The following VPS53 variants were observed in gnomAD, a reference collection of about 807,000 sequenced individuals.
The protein encoded by VPS53 is vacuolar protein sorting-associated protein 53 homolog.
In VPS53, 70 loss-of-function variants were observed where a neutral mutation model predicts 107.0. That is an observed-to-expected ratio of 0.65 (90% CI 0.54 to 0.80). VPS53 has a LOEUF of 0.80. VPS53 is among the 30% of genes least tolerant of loss of function. The pLI is 0.00. For missense variants in VPS53, 917 were observed against 1,049.4 expected (o/e 0.87, Z 1.74); for synonymous variants, 409 against 393.3 (o/e 1.04, Z -0.47).
intron 15 of VPS53, among the ~76,000 whole-genome samples, chr17:555,418 C>CA (rs900648472): frequency 1.3e-5 from 2 of 152,112 alleles, no homozygotes; most frequent in African/African-American, 4.8e-5. Context: ...ATGCTGGTCT[C>CA]AAACTCCTGA....
intron 5 of VPS53, chr17:656,853 G>A (rs944991636): frequency 3.9e-5 from 62 of 1,590,960 alleles, no homozygotes; most frequent in African/African-American, 1.8e-4. Flanking sequence ...ATGGTGAGGC[G>A]GATACCCTTT....
At chr17:586,681 G>A (rs1278684816) in intron 12 of VPS53, among the ~76,000 whole-genome samples, 2 of 152,318 alleles carry the variant, frequency 1.3e-5, no homozygotes, top group Middle Eastern at 3.4e-3. Flanking sequence ...ATAGCACCTT[G>A]TATTTACACA....
chr17:658,818 T>G (rs1234035722), intron 5 of VPS53, among the ~76,000 whole-genome samples: 1 of 152,060 alleles, frequency 6.6e-6, no homozygotes, highest in East Asian at 1.9e-4. Flanking sequence ...TACATCCCAC[T>G]GAAGTGAGAC....
At position 562,715 on chromosome 17, in the gene VPS53, C is replaced by T. The variant is rs1337769894; in HGVS notation, c.1344G>A (p.Val448=). 2.5e-6 allele frequency: 4 copies of T among 1,612,608 alleles called. No individual in the cohort carries two copies. In the African/African-American group the frequency reaches 4.0e-5, roughly 16 times the overall value. Residue 448 remains valine, a synonymous_variant, in exon 14 of 22, where the codon GTG becomes GTA. Transcript: ENST00000437048. ...KNLGELIDRF[V]ADFKAQGPPK... ...GTGGCCCCTGGGCTTTGAAATCAGCCACAAACCGATCTATCAGCTCTCCGA... is the reference window on the plus strand; with the variant it reads ...GTGGCCCCTGGGCTTTGAAATCAGCTACAAACCGATCTATCAGCTCTCCGA...
chr17:536,839 G>A, intron 18 of VPS53, 189 bp downstream of exon 18: 1 of 658,424 alleles, frequency 1.5e-6, no homozygotes, highest in Non-Finnish European at 2.5e-6. Context: ...TTCATCCACT[G>A]TAACGAATGT....
At chr17:572,352 G>A (rs1278277586) in intron 13 of VPS53, among the ~76,000 whole-genome samples, 1 of 147,450 alleles carries the variant, frequency 6.8e-6, no homozygotes, top group Non-Finnish European at 1.5e-5. Context: ...CCCGGCAGCC[G>A]CCCCGTCTGA....
chr17:572,429 G>C (rs1158958412), intron 13 of VPS53, among the ~76,000 whole-genome samples: 1 of 142,420 alleles, frequency 7.0e-6, no homozygotes, highest in South Asian at 2.3e-4. Flanking sequence ...TCAGCCCCCC[G>C]CCCGGCCAGC....
chr17:633,705 G>A (rs920513412), intron 7 of VPS53, among the ~76,000 whole-genome samples: 6 of 152,112 alleles, frequency 3.9e-5, no homozygotes, highest in South Asian at 4.1e-4. Context: ...TGATCCAGAC[G>A]AGGCTATTAC....
chr17:656,700 A>ATGCGTGTGTGTG, intron 5 of VPS53: 1 of 553,552 alleles, frequency 1.8e-6, no homozygotes, highest in Non-Finnish European at 3.2e-6. Context: ...TGACTAAGAA[A>ATGCGTGTGTGTG]TGTGTGTGTG....
At chr17:683,987 A>G (rs1199128264) in intron 4 of VPS53, among the ~76,000 whole-genome samples, 1 of 152,236 alleles carries the variant, frequency 6.6e-6, no homozygotes, top group Non-Finnish European at 1.5e-5. Flanking sequence ...GAATGCAGAG[A>G]GGATGTGAGG....
chr17:592,092 T>C (rs1239484432), intron 12 of VPS53, among the ~76,000 whole-genome samples: 8 of 152,218 alleles, frequency 5.3e-5, no homozygotes, highest in Non-Finnish European at 1.0e-4. Flanking sequence ...TGGGTGCATA[T>C]ATATTTAGGA....
At chr17:662,891 AAGGCAGGC>A (rs796978892) in intron 4 of VPS53, among the ~76,000 whole-genome samples, 78 of 137,644 alleles carry the variant, frequency 5.7e-4, no homozygotes, top group Middle Eastern at 3.8e-3. Context: ...GGAAGGAAGG[AAGGCAGGC>A]AGGCAGGCAG....
At chr17:528,349 A>G (rs538332632) in intron 19 of VPS53, among the ~76,000 whole-genome samples, 2 of 152,318 alleles carry the variant, frequency 1.3e-5, no homozygotes, top group South Asian at 2.1e-4. Context: ...GAGTCACACA[A>G]TAGGTGGCTT....
chr17:531,501 G>C (rs1018316976), intron 19 of VPS53, among the ~76,000 whole-genome samples: 4 of 151,944 alleles, frequency 2.6e-5, no homozygotes, highest in Non-Finnish European at 5.9e-5. Flanking sequence ...ATCATTAAAA[G>C]ACTCTTTTTT....
At chr17:610,612 A>G (rs7209515) in intron 11 of VPS53, among the ~76,000 whole-genome samples, 150,871 of 152,278 alleles carry the variant, frequency 0.99, 74,759 homozygotes, top group East Asian at 1. Context: ...ATACATGATA[A>G]AATATCTAAA....
intron 11 of VPS53, among the ~76,000 whole-genome samples, chr17:603,823 T>G (rs995654562): frequency 6.6e-6 from 1 of 152,176 alleles, no homozygotes; most frequent in African/African-American, 2.4e-5. Context: ...GCTGATATTT[T>G]AGAGAGAGAG....
At chr17:595,544 G>T (rs370419692) in intron 12 of VPS53, among the ~76,000 whole-genome samples, 2 of 1,906 alleles carry the variant, frequency 1.0e-3, no homozygotes, top group African/African-American at 1.5e-3. Context: ...GTGCCCCCCC[G>T]GAGGAAGCTG....
chr17:527,947 C>A (rs1346299381), intron 19 of VPS53, among the ~76,000 whole-genome samples: 3 of 152,150 alleles, frequency 2.0e-5, no homozygotes. Context: ...CCAATCTTTT[C>A]TTTTATGGTT....
intron 17 of VPS53, 93 bp from the exon 18 acceptor site, chr17:537,269 T>G: frequency 7.0e-7 from 1 of 1,431,074 alleles, no homozygotes; most frequent in South Asian, 1.3e-5. Flanking sequence ...GGAAGTCAGG[T>G]CACAGCTTTG....
Sources: gnomAD v4.1 joint callset for allele counts (sites outside exome capture counted in the v4.1 genomes callset) on GRCh38, gnomAD v4.1.1 for gene constraint, MANE v1.5 for transcripts, NCBI Gene and HGNC (gene_info 2026-07-23, HGNC 2026-07-21) for gene names.